The following GFRA2 variants were observed in gnomAD, a reference collection of about 807,000 sequenced individuals.
The protein encoded by GFRA2 is GDNF family receptor alpha 2, also known as GDNF family receptor alpha-2.
Under a neutral mutation model 48.3 loss-of-function variants are expected in GFRA2, and 17 were observed. The observed-to-expected ratio is 0.35, with a 90% confidence interval of 0.24 to 0.53. The LOEUF is 0.53. Ranked by LOEUF, GFRA2 falls within the 20% of genes least tolerant of loss-of-function variation. The pLI is 0.93. For missense variants in GFRA2, 660 were observed against 637.3 expected (o/e 1.04, Z -0.38); for synonymous variants, 305 against 257.2 (o/e 1.19, Z -1.78).
chr8:21,764,467 T>C (rs1305839901), intron 3 of GFRA2, among the ~76,000 whole-genome samples: 4 of 152,258 alleles, frequency 2.6e-5, no homozygotes, highest in Admixed American at 2.0e-4. Context: ...GGACCAAATA[T>C]TGAGACCATA....
upstream of GFRA2, among the ~76,000 whole-genome samples, chr8:21,790,736 C>A (rs2117101088): frequency 6.6e-6 from 1 of 152,240 alleles, no homozygotes; most frequent in Admixed American, 6.5e-5. Flanking sequence ...TTGGGGAAAG[C>A]CCCCTTCAGG....
intron 8 of GFRA2, among the ~76,000 whole-genome samples, 189 bp downstream of exon 8, chr8:21,694,275 G>A (rs1802045801): frequency 6.6e-6 from 1 of 151,624 alleles, no homozygotes; most frequent in African/African-American, 2.4e-5. Flanking sequence ...AGAGCCAGGG[G>A]CCCTGGATGC....
intron 4 of GFRA2, among the ~76,000 whole-genome samples, chr8:21,723,660 C>T (rs1473314837): frequency 2.0e-5 from 3 of 152,146 alleles, no homozygotes; most frequent in Non-Finnish European, 4.4e-5. Context: ...AGCCCCCCTC[C>T]ACCCCGCAGG....
At chr8:21,729,202 A>T (rs996450928) in intron 4 of GFRA2, among the ~76,000 whole-genome samples, 1 of 152,142 alleles carries the variant, frequency 6.6e-6, no homozygotes, top group Non-Finnish European at 1.5e-5. Context: ...GTGTTGGGTC[A>T]CGCTGTAATC....
At chr8:21,728,646 G>C (rs2117483041) in intron 4 of GFRA2, among the ~76,000 whole-genome samples, 1 of 152,302 alleles carries the variant, frequency 6.6e-6, no homozygotes, top group South Asian at 2.1e-4. Flanking sequence ...TGGAGAGAAA[G>C]TGCAGGATGC....
At chr8:21,700,809 G>A (rs942837103) in intron 7 of GFRA2, among the ~76,000 whole-genome samples, 12 of 152,124 alleles carry the variant, frequency 7.9e-5, no homozygotes, top group African/African-American at 2.7e-4. Context: ...TATCTAGGGT[G>A]TACAGGCTCC....
chr8:21,734,105 A>G (rs1312727658), intron 4 of GFRA2, among the ~76,000 whole-genome samples: 1 of 152,204 alleles, frequency 6.6e-6, no homozygotes, highest in East Asian at 1.9e-4. Flanking sequence ...CCTTCCTTCC[A>G]AGCCTGCAGC....
rs1400514749 is a variant in GFRA2, at chr8:21,690,543, G to A, written c.*2735C>T. On this transcript the variant is annotated 3_prime_UTR_variant, in exon 9 of 9. Coordinates refer to ENST00000524240, the MANE Select transcript of GFRA2 (RefSeq NM_001495.5). ...ATACTTGGATAGGGAGACATTTGAGGGCAGAGTAAAGCTAGCTAGTATCCA... is the reference window on the plus strand; with the variant it reads ...ATACTTGGATAGGGAGACATTTGAGAGCAGAGTAAAGCTAGCTAGTATCCA... 1.3e-5 allele frequency: 2 copies of A among 152,162 alleles called. No individual in the cohort carries two copies. Among genetic ancestry groups the A allele is most frequent in the African/African-American group, 4.8e-5 (2 of 41,426 alleles). 9.4% of individuals were successfully genotyped at this position (152,162 alleles called of 1,614,324 possible).
upstream of GFRA2, among the ~76,000 whole-genome samples, chr8:21,790,926 G>T (rs111961617): frequency 1.3e-5 from 2 of 152,158 alleles, no homozygotes; most frequent in African/African-American, 4.8e-5. Context: ...TGGCCTGGAG[G>T]CCCGAGGCTG....
intron 3 of GFRA2, among the ~76,000 whole-genome samples, chr8:21,772,254 CTTCT>C (rs1806472335): frequency 6.6e-6 from 1 of 152,162 alleles, no homozygotes; most frequent in African/African-American, 2.4e-5. Context: ...CTGTTCTCAC[CTTCT>C]TTCTGCTGAG....
At chr8:21,740,269 G>T (rs1804685940) in intron 4 of GFRA2, among the ~76,000 whole-genome samples, 1 of 152,098 alleles carries the variant, frequency 6.6e-6, no homozygotes, top group Admixed American at 6.5e-5. Flanking sequence ...AAGCCAAACT[G>T]CTATTGAGCT....
upstream of GFRA2, chr8:21,790,195 CG>C: frequency 1.5e-6 from 1 of 688,234 alleles, no homozygotes; most frequent in African/African-American, 1.9e-5. Context: ...GGGAGAGGCG[CG>C]GGGTCGCGGT....
In GFRA2 at chr8:21,788,582, C is replaced by G; in HGVS notation, c.-423G>C. ...TTGCGAGTGAAGGGCTGGAAGGAAG[C>G]GGCGAGGGAGGGGGTCGGAATAAAA... On this transcript the variant is annotated 5_prime_UTR_variant, in exon 1 of 9. Transcript: ENST00000524240. The G allele has an allele frequency of 1.0e-6, 1 of 1,000,854 alleles. No homozygotes were observed. Among genetic ancestry groups the G allele is most frequent in the Non-Finnish European group, 1.2e-6 (1 of 840,702 alleles). The allele number at this position is 1,000,854 out of a possible 1,614,324, so 62.0% of individuals were successfully genotyped here. A position where few individuals can be genotyped will look rare whatever the true frequency, so the allele number is the denominator to read the frequency against.
upstream of GFRA2, chr8:21,789,319 G>A (rs1340694754): frequency 1.3e-5 from 2 of 152,594 alleles, no homozygotes; most frequent in East Asian, 1.9e-4. Context: ...TCCCCACCCT[G>A]GGGACCGGCT....
chr8:21,805,218 C>G (rs1013510546), intron 1 of GFRA2: 6 of 152,240 alleles, frequency 3.9e-5, no homozygotes, highest in African/African-American at 1.4e-4. Flanking sequence ...GAGCCCCTCC[C>G]CTCCATCCTA....
intron 6 of GFRA2, 33 bp downstream of exon 6, chr8:21,704,952 C>T (rs1802664655): frequency 6.5e-7 from 1 of 1,544,960 alleles, no homozygotes; most frequent in South Asian, 1.1e-5. Flanking sequence ...GTGGGAGGGG[C>T]TGCTGGGGTT....
At chr8:21,758,942 A>G (rs7003953) in intron 3 of GFRA2, among the ~76,000 whole-genome samples, 60,099 of 152,002 alleles carry the variant, frequency 0.4, 13,527 homozygotes, top group African/African-American at 0.61. Flanking sequence ...CCAGGAGCAG[A>G]ACCGGAGTCC....
chr8:21,698,742 G>GGCACAGCAGACCCCCACTCA (rs1399381856), intron 7 of GFRA2, among the ~76,000 whole-genome samples: 2 of 151,038 alleles, frequency 1.3e-5, no homozygotes, highest in African/African-American at 2.4e-5. Context: ...TGTAAAACCA[G>GGCACAGCAGACCCCCACTCA]GCACAGCAGA....
intron 4 of GFRA2, among the ~76,000 whole-genome samples, chr8:21,710,332 C>G (rs1802955695): frequency 6.6e-6 from 1 of 152,242 alleles, no homozygotes; most frequent in Non-Finnish European, 1.5e-5. Context: ...CCTTCTCTGC[C>G]TAGCGCTGTG....
Sources: gnomAD v4.1 joint callset for allele counts (sites outside exome capture counted in the v4.1 genomes callset) on GRCh38, gnomAD v4.1.1 for gene constraint, MANE v1.5 for transcripts, NCBI Gene and HGNC (gene_info 2026-07-23, HGNC 2026-07-21) for gene names.